Variants in PLA2R1 observed in about 807,000 individuals in gnomAD.
The protein encoded by PLA2R1 is phospholipase A2 receptor 1.
Under a neutral mutation model 195.9 loss-of-function variants are expected in PLA2R1, and 158 were observed. The ratio of observed to expected loss-of-function variants is 0.81; its 90% CI spans 0.71 to 0.92. The LOEUF (loss-of-function observed/expected upper bound fraction) is 0.92, where lower values mean the gene tolerates loss of function less well. Ranked by LOEUF, PLA2R1 falls within the 40% of genes least tolerant of loss-of-function variation. The pLI is 0.00. For synonymous variants in PLA2R1, 586 were observed against 598.2 expected (o/e 0.98, Z 0.30); for missense variants, 1,626 against 1,764.6 (o/e 0.92, Z 1.41).
chr2:160,002,891 A>C (rs1181005699), intron 11 of PLA2R1, among the ~76,000 whole-genome samples: 1 of 152,078 alleles, frequency 6.6e-6, no homozygotes, highest in Non-Finnish European at 1.5e-5. Flanking sequence ...AAAATTTAAA[A>C]TCTGTTAATA....
intron 1 of PLA2R1, among the ~76,000 whole-genome samples, chr2:160,057,822 C>T (rs754416850): frequency 2.0e-5 from 3 of 152,188 alleles, no homozygotes; most frequent in Non-Finnish European, 2.9e-5. Flanking sequence ...ACCTGGAGCT[C>T]ACTCACCTGC....
intron 3 of PLA2R1, among the ~76,000 whole-genome samples, chr2:160,040,956 G>C (rs905022717): frequency 6.6e-6 from 1 of 152,058 alleles, no homozygotes; most frequent in Admixed American, 6.5e-5. Context: ...ATCCTAATAG[G>C]TACTGCTATT....
chr2:159,929,413 G>A (rs1256757559), downstream of PLA2R1, among the ~76,000 whole-genome samples: 4 of 152,146 alleles, frequency 2.6e-5, no homozygotes, highest in Non-Finnish European at 5.9e-5. Context: ...CGACATCACT[G>A]ATGATCAGGG....
intron 6 of PLA2R1, among the ~76,000 whole-genome samples, chr2:160,023,265 A>C (rs1433620488): frequency 6.6e-6 from 1 of 152,192 alleles, no homozygotes; most frequent in Admixed American, 6.5e-5. Flanking sequence ...TCTAAGTTAC[A>C]GGATGAGACA....
chr2:159,977,321 A>G lies in PLA2R1; in HGVS notation c.2364T>C (p.Cys788=), dbSNP rs1479031681. The G allele has an allele frequency of 6.2e-7, 1 of 1,613,024 alleles. No individual in the cohort carries two copies. Among genetic ancestry groups the G allele is most frequent in the East Asian group, 2.2e-5 (1 of 44,854 alleles). ...KANKTLLPLH[C]GSKREWICKI... Reference sequence around the variant, plus strand: ...TGCATATCCATTCACGTTTGGAACCACAGTGTAAGGGCAGCAATGTTTTGT... The same window carrying G: ...TGCATATCCATTCACGTTTGGAACCGCAGTGTAAGGGCAGCAATGTTTTGT... Residue 788 remains cysteine (C), a synonymous_variant, in exon 15 of 30, where the codon TGT becomes TGC. Transcript: ENST00000283243.
At chr2:160,009,611 G>A (rs1055295104) in intron 10 of PLA2R1, among the ~76,000 whole-genome samples, 5 of 152,104 alleles carry the variant, frequency 3.3e-5, no homozygotes, top group African/African-American at 9.7e-5. Context: ...ATGGATGATG[G>A]TAGTGGGTGA....
chr2:160,027,961 C>A (rs1357259220), intron 6 of PLA2R1, among the ~76,000 whole-genome samples: 2 of 152,042 alleles, frequency 1.3e-5, no homozygotes, highest in Non-Finnish European at 2.9e-5. Context: ...ACTAACAGTG[C>A]AAATTTTTTA....
At position 160,033,075 on chromosome 2, in the gene PLA2R1, C is replaced by T. The variant is rs1243689827; in HGVS notation, c.725G>A (p.Cys242Tyr). Residue 242 changes from cysteine to tyrosine, a missense_variant, in exon 4 of 30, where the codon TGC (cysteine) becomes TAC (tyrosine). Transcript: ENST00000283243. Reference protein sequence around the residue: ...IWEKDLNSHICYQFNLLSSLS... With the variant: ...IWEKDLNSHIYYQFNLLSSLS... ...AGATGAAAGCAGGTTGAACTGGTAG[C>T]AAATGTGTGAATTGAGGTCCTTCTC... 10 of 1,613,486 alleles carry T rather than the reference C, an allele frequency of 6.2e-6. No individual in the cohort carries two copies. Among genetic ancestry groups the T allele is most frequent in the Non-Finnish European group, 8.5e-6 (10 of 1,179,670 alleles).
In PLA2R1 at chr2:159,983,998, G is replaced by A; in HGVS notation, c.2113C>T (p.His705Tyr). The A allele has an allele frequency of 6.2e-7, 1 of 1,600,936 alleles. No homozygotes were observed. Among genetic ancestry groups the A allele is most frequent in the Non-Finnish European group, 8.6e-7 (1 of 1,168,646 alleles). Residue 705 changes from histidine to tyrosine, a missense_variant, in exon 13 of 30, where the codon CAT becomes TAT. Transcript: ENST00000283243. ...AEAFCEEFGA[H>Y]LASFAHIEEE... ...TCAATATGGGCAAAGCTTGCAAGAT[G>A]AGCTCCAAATTCTTCGCAAAATGCT...
intron 2 of PLA2R1, 121 bp from the exon 3 acceptor site, chr2:160,042,319 G>C (rs1184783043): frequency 1.4e-6 from 1 of 726,020 alleles, no homozygotes; most frequent in Non-Finnish European, 2.3e-6. Flanking sequence ...ACTCACTACA[G>C]CAGAGTGAGC....
At chr2:160,005,981 TAATA>T (rs780253919) in intron 10 of PLA2R1, among the ~76,000 whole-genome samples, 160 bp from the exon 11 acceptor site, 2 of 152,194 alleles carry the variant, frequency 1.3e-5, no homozygotes, top group Non-Finnish European at 2.9e-5. Context: ...TGAACATTAC[TAATA>T]AATGCCGAAT....
rs186122040 is a variant in PLA2R1, at chr2:159,947,796, T to C, written c.3710-237A>G. Among the ~76,000 whole-genome samples, 171 of 152,330 alleles carry C rather than the reference T, an allele frequency of 1.1e-3. No individual in the cohort carries two copies. The Middle Eastern group carries it at 0.051, about 45-fold the overall frequency. On this transcript the variant is annotated intron_variant, in intron 25 of 29. Coordinates refer to ENST00000283243, the MANE Select transcript of PLA2R1 (RefSeq NM_007366.5). ...CAAGATATGTTAAGGCACAGCTTTG[T>C]AGGCTTAGTTTGGGTGCTGCCTGGG...
intron 28 of PLA2R1, among the ~76,000 whole-genome samples, chr2:159,944,600 C>T (rs1330484829): frequency 6.6e-6 from 1 of 152,130 alleles, no homozygotes; most frequent in East Asian, 1.9e-4. Flanking sequence ...ATGAAGGTTG[C>T]TGGTTTACAT....
At chr2:160,043,456 T>TACCA (rs1694674065) in intron 2 of PLA2R1, among the ~76,000 whole-genome samples, 2 of 152,230 alleles carry the variant, frequency 1.3e-5, no homozygotes, top group East Asian at 3.9e-4. Flanking sequence ...GGGCTGCCAA[T>TACCA]GGTATGTCCT....
intron 20 of PLA2R1, among the ~76,000 whole-genome samples, chr2:159,961,045 G>C (rs1276480882): frequency 6.6e-6 from 1 of 152,162 alleles, no homozygotes; most frequent in African/African-American, 2.4e-5. Flanking sequence ...CCTATTAACA[G>C]TTTTTCTAAT....
At position 159,977,733 on chromosome 2, in the gene PLA2R1, T is replaced by C. The variant is rs56265955; in HGVS notation, c.2269-317A>G. Among the ~76,000 whole-genome samples, 962 of 152,156 alleles carry C rather than the reference T, an allele frequency of 6.3e-3. 8 individuals carry two copies. Among genetic ancestry groups the C allele is most frequent in the Non-Finnish European group, 9.8e-3 (665 of 68,006 alleles). On this transcript the variant is annotated intron_variant, in intron 14 of 29. Transcript: ENST00000283243. ...TGGGCAGATCACAAGCTCAGGAGAT[T>C]GAGACCATCCTGGCTAACACGGTGA... is the stretch of plus-strand genomic sequence containing the variant.
In PLA2R1 at chr2:159,949,708, G is replaced by A. The variant is rs1251384590; in HGVS notation, c.3609C>T (p.Ser1203=). ...SSFTFWKDEE[S]SLLGDCVFAD... The stretch of plus-strand genomic sequence containing the variant: ...CAAAAACGCAGTCACCAAGGAGGGA[G>A]GACTCCTCATCTTTCCAAAAAGTGA... The change falls in exon 25 of 30, where the codon TCC becomes TCT. Residue 1203 remains serine (S), a synonymous_variant. Coordinates refer to ENST00000283243, the MANE Select transcript of PLA2R1 (RefSeq NM_007366.5). 6.8e-6 allele frequency: 11 copies of A among 1,613,486 alleles called. No individual in the cohort carries two copies. Among genetic ancestry groups the A allele is most frequent in the Non-Finnish European group, 9.3e-6 (11 of 1,179,458 alleles).
chr2:159,981,654 C>G (rs1689964832), intron 13 of PLA2R1, among the ~76,000 whole-genome samples: 1 of 152,106 alleles, frequency 6.6e-6, no homozygotes, highest in South Asian at 2.1e-4. Context: ...AGCAATCTGC[C>G]TTGGCCTCTC....
In PLA2R1 at chr2:159,987,568, G is replaced by T. The variant is rs549117071; in HGVS notation, c.1835-210C>A. 2.0e-5 allele frequency among the ~76,000 whole-genome samples: 3 copies of T among 152,290 alleles called. No individual in the cohort carries two copies. The South Asian group carries it at 6.2e-4, about 32-fold the overall frequency. On this transcript the variant is annotated intron_variant, in intron 11 of 29. Coordinates refer to ENST00000283243, the MANE Select transcript of PLA2R1 (RefSeq NM_007366.5). The stretch of plus-strand genomic sequence containing the variant: ...AATGCAAGATGGGAAAGAGAGAAAA[G>T]AGAGTGTGAAGGCTGAAATTTGGAC...
Sources: allele counts gnomAD v4.1 joint callset (sites outside exome capture counted in the v4.1 genomes callset), GRCh38; gene constraint gnomAD v4.1.1; transcripts MANE v1.5; gene names NCBI Gene and HGNC (gene_info 2026-07-23, HGNC 2026-07-21).